XKR6: variants seen among roughly 807,000 people sequenced by gnomAD.
The protein encoded by XKR6 is XK-related protein 6.
Under a neutral mutation model 56.7 loss-of-function variants are expected in XKR6, and 22 were observed. The ratio of observed to expected loss-of-function variants is 0.39; its 90% CI spans 0.28 to 0.55. The LOEUF is 0.55. Ranked by LOEUF, XKR6 falls within the 20% of genes least tolerant of loss-of-function variation. The probability of loss-of-function intolerance (pLI) is 0.66; values close to 1 mark genes in which losing one functional copy is unlikely to be tolerated. For synonymous variants in XKR6, 524 were observed against 387.8 expected (o/e 1.35, Z -4.13); for missense variants, 852 against 889.0 (o/e 0.96, Z 0.53).
intron 2 of XKR6, among the ~76,000 whole-genome samples, chr8:10,903,565 T>C (rs1397496780): frequency 6.6e-6 from 1 of 152,096 alleles, no homozygotes; most frequent in African/African-American, 2.4e-5. Flanking sequence ...AATGTGGCTG[T>C]GTTTAGAGAT....
chr8:10,914,777 AG>A (rs1315296697), intron 2 of XKR6, among the ~76,000 whole-genome samples: 1 of 152,224 alleles, frequency 6.6e-6, no homozygotes, highest in Non-Finnish European at 1.5e-5. Context: ...GGGGCAGGCC[AG>A]GCTGTGGAAG....
chr8:10,899,016 C>G (rs1389440205), intron 2 of XKR6, 100 bp from the exon 3 acceptor site: 2 of 1,479,846 alleles, frequency 1.4e-6, no homozygotes, highest in Non-Finnish European at 1.8e-6. Context: ...ACACCACGAT[C>G]TAAAGGAGGA....
At chr8:11,016,138 G>T (rs1460858713) in intron 1 of XKR6, among the ~76,000 whole-genome samples, 1 of 152,188 alleles carries the variant, frequency 6.6e-6, no homozygotes, top group Non-Finnish European at 1.5e-5. Flanking sequence ...ATCCCACCGT[G>T]GGGGTGCAGC....
intron 1 of XKR6, among the ~76,000 whole-genome samples, chr8:11,051,062 A>G (rs1392664704): frequency 1.3e-5 from 2 of 152,194 alleles, no homozygotes; most frequent in East Asian, 3.9e-4. Context: ...CATTCTTGCC[A>G]AAAAGTCACC....
intron 1 of XKR6, among the ~76,000 whole-genome samples, chr8:10,925,819 C>T (rs904351080): frequency 3.3e-5 from 5 of 152,120 alleles, no homozygotes; most frequent in African/African-American, 4.8e-5. Flanking sequence ...TCAATTTCAC[C>T]GGAACTCTCT....
chr8:11,197,317 G>C (rs1803944724), intron 1 of XKR6, among the ~76,000 whole-genome samples: 1 of 152,192 alleles, frequency 6.6e-6, no homozygotes, highest in African/African-American at 2.4e-5. Context: ...TGACTGAAGA[G>C]AACTGACAAT....
chr8:11,047,624 G>A (rs1799442732), intron 1 of XKR6, among the ~76,000 whole-genome samples: 1 of 152,322 alleles, frequency 6.6e-6, no homozygotes, highest in South Asian at 2.1e-4. Context: ...CTGGGAAAAG[G>A]GGGCATGAGG....
chr8:11,166,145 C>T (rs3021498), intron 1 of XKR6, among the ~76,000 whole-genome samples: 42,608 of 151,730 alleles, frequency 0.28, 7,183 homozygotes, highest in Middle Eastern at 0.39. Flanking sequence ...TTTGCAGAGA[C>T]GGGGTTTTGC....
chr8:11,002,943 G>A (rs1019769317), intron 1 of XKR6, among the ~76,000 whole-genome samples: 6 of 152,082 alleles, frequency 3.9e-5, no homozygotes, highest in Non-Finnish European at 7.4e-5. Context: ...TGGATAGGAG[G>A]CCCTTGTTGG....
chr8:10,912,346 A>ATATG (rs1313140550), intron 2 of XKR6, among the ~76,000 whole-genome samples: 5 of 125,202 alleles, frequency 4.0e-5, no homozygotes, highest in Admixed American at 1.7e-4. Context: ...ATATATATGG[A>ATATG]GAGAGAGAGA....
intron 1 of XKR6, among the ~76,000 whole-genome samples, chr8:11,193,256 C>G (rs193059833): frequency 6.6e-6 from 1 of 152,100 alleles, no homozygotes; most frequent in Non-Finnish European, 1.5e-5. Context: ...ACTAAGAAGA[C>G]AAAAACACTC....
intron 1 of XKR6, among the ~76,000 whole-genome samples, chr8:10,998,310 G>A (rs970274584): frequency 2.0e-5 from 3 of 151,904 alleles, no homozygotes; most frequent in African/African-American, 7.3e-5. Context: ...CCTCTTAGTT[G>A]TCATTTTGAA....
intron 1 of XKR6, among the ~76,000 whole-genome samples, chr8:11,164,977 G>A (rs1355856348): frequency 1.3e-5 from 2 of 150,166 alleles, no homozygotes; most frequent in Non-Finnish European, 3.0e-5. Context: ...ATGTGCTTAA[G>A]TACACCAAAG....
At chr8:10,956,179 G>C (rs1004742474) in intron 1 of XKR6, among the ~76,000 whole-genome samples, 6 of 152,192 alleles carry the variant, frequency 3.9e-5, no homozygotes, top group African/African-American at 1.4e-4. Flanking sequence ...AGGCAGAAAG[G>C]AGCTGGGACC....
Position 11,011,749 on chromosome 8 carries a change from G to A in XKR6, c.765-86919C>T, listed in dbSNP as rs149011466. Among the ~76,000 whole-genome samples the A allele has an allele frequency of 9.8e-4, 149 of 152,330 alleles. 1 individual carries two copies. Among genetic ancestry groups the A allele is most frequent in the African/African-American group, 3.4e-3 (141 of 41,588 alleles). On this transcript the variant is annotated intron_variant, in intron 1 of 2. Coordinates refer to ENST00000416569, the MANE Select transcript of XKR6 (RefSeq NM_173683.4). Reference sequence around the variant, plus strand: ...AAGATGTTTGAGTAAAGAGCTGAAGGAGGAAGGGAACTGGTTGTGGGAGTG... The same window carrying A: ...AAGATGTTTGAGTAAAGAGCTGAAGAAGGAAGGGAACTGGTTGTGGGAGTG...
chr8:11,027,366 T>G (rs1477240555), intron 1 of XKR6, among the ~76,000 whole-genome samples: 3 of 152,232 alleles, frequency 2.0e-5, no homozygotes, highest in African/African-American at 7.2e-5. Flanking sequence ...TCATCTTACT[T>G]CTTTTTACTT....
At chr8:10,965,169 G>A (rs570283683) in intron 1 of XKR6, among the ~76,000 whole-genome samples, 1 of 152,326 alleles carries the variant, frequency 6.6e-6, no homozygotes, top group Admixed American at 6.5e-5. Flanking sequence ...CCTGGGTCCT[G>A]TGGACACACG....
At chr8:11,149,860 A>G (rs930337583) in intron 1 of XKR6, among the ~76,000 whole-genome samples, 1 of 152,242 alleles carries the variant, frequency 6.6e-6, no homozygotes, top group Non-Finnish European at 1.5e-5. Flanking sequence ...ATGGAAAAAG[A>G]AAGTGTGGTA....
Position 10,990,145 on chromosome 8 carries a change from G to A in XKR6, c.765-65315C>T, listed in dbSNP as rs558982036. On this transcript the variant is annotated intron_variant, in intron 1 of 2. Transcript: ENST00000416569. The stretch of plus-strand genomic sequence containing the variant: ...TTAAAACAAGCAAACAAAAACTTTT[G>A]TGACAGTCAGGTATTTGAATGAGTA... 4.5e-4 allele frequency among the ~76,000 whole-genome samples: 68 copies of A among 152,332 alleles called. 1 individual carries two copies. The highest frequency in any genetic ancestry group is 1.4e-3 in the African/African-American group (60 of 41,576).
Sources: allele counts gnomAD v4.1 joint callset (sites outside exome capture counted in the v4.1 genomes callset), GRCh38; gene constraint gnomAD v4.1.1; transcripts MANE v1.5; gene names NCBI Gene and HGNC (gene_info 2026-07-23, HGNC 2026-07-21).